PACC1: variants seen among roughly 807,000 people sequenced by gnomAD.
The protein encoded by PACC1 is proton activated chloride channel 1.
In PACC1, 34 loss-of-function variants were observed where a neutral mutation model predicts 39.7. That is an observed-to-expected ratio of 0.86 (90% CI 0.65 to 1.14). The LOEUF (loss-of-function observed/expected upper bound fraction) is 1.14. Ranked by LOEUF, PACC1 falls within the 50% of genes most tolerant of loss-of-function variation. The pLI is 0.00. For synonymous variants in PACC1, 127 were observed against 160.6 expected, an observed-to-expected ratio of 0.79 and a Z score of 1.58; for missense variants, 379 against 436.4, an observed-to-expected ratio of 0.87 and a Z score of 1.17.
intron 4 of PACC1, among the ~76,000 whole-genome samples, chr1:212,381,685 C>CACACT (rs1553281013): frequency 4.1e-5 from 4 of 97,244 alleles, no homozygotes; most frequent in Admixed American, 1.2e-4. Context: ...CAGACACACA[C>CACACT]ACACACACTG....
At chr1:212,381,020 G>A (rs1471279350) in intron 4 of PACC1, among the ~76,000 whole-genome samples, 1 of 152,194 alleles carries the variant, frequency 6.6e-6, no homozygotes, top group Non-Finnish European at 1.5e-5. Flanking sequence ...TACACTGTCA[G>A]TTACAAAGTT....
chr1:212,386,874 C>T lies in PACC1; in HGVS notation c.343+17G>A. 1.2e-6 allele frequency: 2 copies of T among 1,613,674 alleles called. No homozygotes were observed. Among genetic ancestry groups the T allele is most frequent in the Non-Finnish European group, 1.7e-6 (2 of 1,179,730 alleles). The stretch of plus-strand genomic sequence containing the variant: ...TAGATCTGGGGCCCTGATGCCTGGC[C>T]CAGGGGCAGGCTCTACCTGGGGCAT... On this transcript the variant is annotated intron_variant, in intron 3 of 7. Transcript: ENST00000261455. The surrounding 1 kb of genome is among the most constrained non-coding windows in gnomAD (Gnocchi z 5.0).
At chr1:212,395,331 T>TG (rs1478795053) in intron 2 of PACC1, among the ~76,000 whole-genome samples, 8 of 152,276 alleles carry the variant, frequency 5.3e-5, no homozygotes, top group African/African-American at 1.9e-4. Flanking sequence ...AAACAAGCAA[T>TG]GGGGAAAGGA....
chr1:212,368,030 G>A (rs1185090097), intron 7 of PACC1, among the ~76,000 whole-genome samples: 1 of 152,140 alleles, frequency 6.6e-6, no homozygotes, highest in Non-Finnish European at 1.5e-5. Context: ...ACTCAGAGCA[G>A]AGAGACTCCT....
intron 2 of PACC1, among the ~76,000 whole-genome samples, chr1:212,399,087 T>C (rs1029823658): frequency 6.6e-6 from 1 of 152,230 alleles, no homozygotes; most frequent in Non-Finnish European, 1.5e-5. Context: ...GAAAATACAT[T>C]CACTGTCATG....
In PACC1 at chr1:212,379,520, T is replaced by C. The variant is rs374338918; in HGVS notation, c.638+375A>G. On this transcript the variant is annotated intron_variant, in intron 5 of 7. Coordinates refer to ENST00000261455, the MANE Select transcript of PACC1 (RefSeq NM_018252.3). ...AGCCCGCACTAAGGGCAAGATGTGG[T>C]TCCTGTGCACACTGTGGGGGAAACC... Among the ~76,000 whole-genome samples, 65 of 152,278 alleles carry C rather than the reference T, an allele frequency of 4.3e-4. No homozygotes were observed. The East Asian group carries it at 7.9e-3, about 19-fold the overall frequency.
At chr1:212,396,429 G>A (rs1365825751) in intron 2 of PACC1, among the ~76,000 whole-genome samples, 1 of 152,056 alleles carries the variant, frequency 6.6e-6, no homozygotes, top group Non-Finnish European at 1.5e-5. Flanking sequence ...ACACACCGGG[G>A]CCTGTTGTGG....
chr1:212,410,965 T>G (rs1571686422), intron 1 of PACC1, among the ~76,000 whole-genome samples: 1 of 152,294 alleles, frequency 6.6e-6, no homozygotes, highest in Admixed American at 6.5e-5. Context: ...TTACAAGGTG[T>G]GCTCTCTCTG....
intron 7 of PACC1, among the ~76,000 whole-genome samples, chr1:212,374,190 G>GGT (rs1401841778): frequency 2.7e-5 from 4 of 146,892 alleles, no homozygotes; most frequent in Admixed American, 6.6e-5. Flanking sequence ...AGGAAAATGT[G>GGT]GTGTGTATAT....
chr1:212,410,727 C>T (rs1283009076), intron 1 of PACC1, among the ~76,000 whole-genome samples: 1 of 152,226 alleles, frequency 6.6e-6, no homozygotes, highest in Non-Finnish European at 1.5e-5. Flanking sequence ...CCTAGGACTA[C>T]TGTAGCAAGT....
At chr1:212,392,037 G>C (rs1213342146) in intron 2 of PACC1, among the ~76,000 whole-genome samples, 6 of 152,184 alleles carry the variant, frequency 3.9e-5, no homozygotes, top group Non-Finnish European at 7.3e-5. Context: ...TTATCCAGGA[G>C]AACTTCCCCA....
intron 4 of PACC1, among the ~76,000 whole-genome samples, chr1:212,380,680 T>C (rs1028396489): frequency 6.6e-6 from 1 of 152,150 alleles, no homozygotes; most frequent in African/African-American, 2.4e-5. Flanking sequence ...GCAGAACCAA[T>C]ATCTATGTCT....
chr1:212,410,395 A>C, intron 2 of PACC1, 30 bp downstream of exon 2: 1 of 1,600,356 alleles, frequency 6.2e-7, no homozygotes, highest in Non-Finnish European at 8.6e-7. Flanking sequence ...AGCTGCAGCA[A>C]CAGCACAGCA....
chr1:212,405,696 C>A (rs140422331), intron 2 of PACC1, among the ~76,000 whole-genome samples: 1 of 152,118 alleles, frequency 6.6e-6, no homozygotes, highest in South Asian at 2.1e-4. Context: ...GAACACCTTG[C>A]GAGACAGCTC....
intron 1 of PACC1, among the ~76,000 whole-genome samples, chr1:212,412,166 A>G (rs1662152700): frequency 6.6e-6 from 1 of 151,982 alleles, no homozygotes; most frequent in Non-Finnish European, 1.5e-5. Flanking sequence ...AAGAAAAGAA[A>G]AGCAACCAGT....
At chr1:212,409,007 C>G (rs113937210) in intron 2 of PACC1, among the ~76,000 whole-genome samples, 125 of 152,322 alleles carry the variant, frequency 8.2e-4, no homozygotes, top group African/African-American at 2.9e-3. Flanking sequence ...TCAGCTGCAG[C>G]ATTAGATTCT....
In PACC1 at chr1:212,379,977, G is replaced by A. The variant is rs1571641889; in HGVS notation, c.556C>T (p.Gln186Ter). The A allele has an allele frequency of 1.9e-6, 3 of 1,614,202 alleles. No homozygotes were observed. Among genetic ancestry groups the A allele is most frequent in the Non-Finnish European group, 2.5e-6 (3 of 1,180,018 alleles). ...EVKKRELVFL[Q>*]FRLNKSSEDF... ...TCACTACTCTTGTTCAGGCGGAACT[G>A]GAGGAAGACCAGCTCCCGCTTTTTC... The change falls in exon 5 of 8, where the codon CAG becomes TAG. Residue 186 changes from glutamine to a stop codon, truncating the protein, a stop_gained. Transcript: ENST00000261455. LOFTEE classifies it high-confidence loss of function.
At chr1:212,397,947 T>C (rs1661582149) in intron 2 of PACC1, among the ~76,000 whole-genome samples, 1 of 152,242 alleles carries the variant, frequency 6.6e-6, no homozygotes, top group Admixed American at 6.5e-5. Flanking sequence ...TGCTACTAAC[T>C]ACTCCATGAT....
intron 7 of PACC1, among the ~76,000 whole-genome samples, chr1:212,373,202 T>C (rs1024697355): frequency 2.0e-5 from 3 of 152,088 alleles, no homozygotes; most frequent in East Asian, 1.9e-4. Flanking sequence ...AATAAATCCA[T>C]GTATATGCAA....
Sources: gnomAD v4.1 joint callset for allele counts (sites outside exome capture counted in the v4.1 genomes callset) on GRCh38, gnomAD v4.1.1 for gene constraint, Gnocchi (gnomAD v3.1) non-coding constraint, MANE v1.5 for transcripts, NCBI Gene and HGNC (gene_info 2026-07-23, HGNC 2026-07-21) for gene names.